Variants in CHPF2 observed in about 807,000 individuals in gnomAD.
The protein encoded by CHPF2 is chondroitin polymerizing factor 2, non-catalytic subunit.
In CHPF2, 58 loss-of-function variants were observed where a neutral mutation model predicts 63.0. The ratio of observed to expected loss-of-function variants is 0.92; its 90% CI spans 0.75 to 1.15. The LOEUF (loss-of-function observed/expected upper bound fraction) is 1.15, where lower values mean the gene tolerates loss of function less well. Ranked by LOEUF, CHPF2 falls within the 50% of genes most tolerant of loss-of-function variation. The pLI is 0.00. For synonymous variants in CHPF2, 442 were observed against 438.0 expected (o/e 1.01, Z -0.11); for missense variants, 1,045 against 1,035.4 (o/e 1.01, Z -0.13).
chr7:151,233,423 G>T lies in CHPF2; in HGVS notation c.-589G>T. The stretch of plus-strand genomic sequence containing the variant: ...AAACACGGGGAGCAGAGTAGAAAGA[G>T]GCTCTGGCCCCTTCCCTTGTGCCCA... On this transcript the variant is annotated 5_prime_UTR_variant, in exon 1 of 4. In the 5' UTR this introduces an upstream ATG that the reference lacks. Transcript: ENST00000035307. 1 of 985,742 alleles carries T rather than the reference G, an allele frequency of 1.0e-6. No individual in the cohort carries two copies. The highest frequency in any genetic ancestry group is 1.2e-6 in the Non-Finnish European group (1 of 830,148). The allele number at this position is 985,742 out of a possible 1,614,324, so 61.1% of individuals were successfully genotyped here. A position where few individuals can be genotyped will look rare whatever the true frequency, so the allele number is the denominator to read the frequency against.
intron 3 of CHPF2, chr7:151,236,880 C>G (rs1048792826): frequency 1.0e-5 from 6 of 573,608 alleles, no homozygotes; most frequent in Non-Finnish European, 2.0e-5. Context: ...AGTGTTCAGA[C>G]AGAATAGTTT....
chr7:151,236,996 C>G (rs1358709543), intron 3 of CHPF2: 1 of 532,950 alleles, frequency 1.9e-6, no homozygotes, highest in Non-Finnish European at 3.6e-6. Context: ...GGAGAATTCT[C>G]AAGTTGAACG....
Position 151,233,050 on chromosome 7 carries a change from C to T in CHPF2, c.-962C>T, listed in dbSNP as rs1160517703. 4.4e-5 allele frequency: 55 copies of T among 1,254,532 alleles called. No homozygotes were observed. Among genetic ancestry groups the T allele is most frequent in the Non-Finnish European group, 5.1e-5 (51 of 998,898 alleles). 77.7% of individuals were successfully genotyped at this position (1,254,532 alleles called of 1,614,324 possible). On this transcript the variant is annotated 5_prime_UTR_variant, in exon 1 of 4. Coordinates refer to ENST00000035307, the MANE Select transcript of CHPF2 (RefSeq NM_019015.3). The stretch of plus-strand genomic sequence containing the variant: ...GGCAGGGGTCCTGTCGGAAGCTGGC[C>T]GCGCTTCTGTTTGCGTTCCCAGGAC...
chr7:151,237,784 G>C lies in CHPF2; in HGVS notation c.1422G>C (p.Arg474=). ...RRVSLLRPLS[R]VEILPMPYVT... The stretch of plus-strand genomic sequence containing the variant: ...TCAGCCTGCTGCGGCCACTGAGCCG[G>C]GTGGAAATCCTACCTATGCCCTATG... The change falls in exon 4 of 4, where the codon CGG becomes CGC. Residue 474 remains arginine (R), a synonymous_variant. Coordinates refer to ENST00000035307, the MANE Select transcript of CHPF2 (RefSeq NM_019015.3). The C allele has an allele frequency of 6.2e-7, 1 of 1,612,566 alleles. No homozygotes were observed. Among genetic ancestry groups the C allele is most frequent in the Non-Finnish European group, 8.5e-7 (1 of 1,179,938 alleles).
At chr7:151,237,151 C>T in intron 3 of CHPF2, 3 of 624,054 alleles carry the variant, frequency 4.8e-6, no homozygotes, top group Non-Finnish European at 8.6e-6. Context: ...TTTCCACCTC[C>T]TTCTCATGGC....
chr7:151,237,101 CTTCTAT>C, intron 3 of CHPF2: 1 of 629,608 alleles, frequency 1.6e-6, no homozygotes, highest in Non-Finnish European at 2.9e-6. Context: ...GGCTGTTGAG[CTTCTAT>C]TTCAAGATAC....
chr7:151,233,667 T>C lies in CHPF2; in HGVS notation c.-345T>C. On this transcript the variant is annotated 5_prime_UTR_variant, in exon 1 of 4. Transcript: ENST00000035307. Reference sequence around the variant, plus strand: ...TGCAGATGTGTGTAGTGTTCCTTTTTGGGTTAGCTTTGGCAGTATTGAGTT... The same window carrying C: ...TGCAGATGTGTGTAGTGTTCCTTTTCGGGTTAGCTTTGGCAGTATTGAGTT... 17 of 1,038,852 alleles carry C rather than the reference T, an allele frequency of 1.6e-5. No homozygotes were observed. The highest frequency in any genetic ancestry group is 2.0e-5 in the Non-Finnish European group (17 of 865,624). The allele number at this position is 1,038,852 out of a possible 1,614,324, so 64.4% of individuals were successfully genotyped here.
Position 151,233,570 on chromosome 7 carries a change from T to C in CHPF2, c.-442T>C. 1 of 987,088 alleles carries C rather than the reference T, an allele frequency of 1.0e-6. No individual in the cohort carries two copies. The highest frequency in any genetic ancestry group is 1.2e-6 in the Non-Finnish European group (1 of 831,092). 61.1% of individuals were successfully genotyped at this position (987,088 alleles called of 1,614,324 possible). A position where few individuals can be genotyped will look rare whatever the true frequency, so the allele number is the denominator to read the frequency against. ...GCTCCGGCTCCTCTGGTTGGGGCTG[T>C]TGTTTTGATGGATCGTGTGCTTTTC... On this transcript the variant is annotated 5_prime_UTR_variant, in exon 1 of 4. Transcript: ENST00000035307.
rs765189215 is a variant in CHPF2, at chr7:151,238,777, G to A, written c.*96G>A. ...GGTGGACAGATAGAGAATTGTTGCT[G>A]TATTTTTTAAATATGAAAATGTTAT... On this transcript the variant is annotated 3_prime_UTR_variant, in exon 4 of 4. Transcript: ENST00000035307. The A allele has an allele frequency of 1.8e-5, 28 of 1,573,274 alleles. No individual in the cohort carries two copies. In the African/African-American group the frequency reaches 2.8e-4, roughly 16 times the overall value.
rs148907711 is a variant in CHPF2 at position 151,238,061 on chromosome 7, C to G, written c.1699C>G (p.Arg567Gly). ...PGTRLAWLAV[R>G]AEAPSQVRLM... Reference sequence around the variant, plus strand: ...GACGAGGCTGGCCTGGCTCGCTGTGCGAGCAGAGGCCCCTTCCCAGGTGCG... The same window carrying G: ...GACGAGGCTGGCCTGGCTCGCTGTGGGAGCAGAGGCCCCTTCCCAGGTGCG... Residue 567 changes from arginine to glycine, a missense_variant, in exon 4 of 4, where the codon CGA (arginine) becomes GGA (glycine). Arg to Gly is a moderately radical substitution (Grantham distance 125). Transcript: ENST00000035307. The G allele has an allele frequency of 1.2e-6, 2 of 1,612,272 alleles. No individual in the cohort carries two copies. Among genetic ancestry groups the G allele is most frequent in the South Asian group, 1.1e-5 (1 of 91,090 alleles).
Position 151,237,674 on chromosome 7 carries a change from C to G in CHPF2, c.1312C>G (p.Pro438Ala), listed in dbSNP as rs1431817472. ...GCTCAACGGCTATCGGCGCTTCGACCCAGCACGGGGCATGGAGTACACCCT... is the reference window on the plus strand; with the variant it reads ...GCTCAACGGCTATCGGCGCTTCGACGCAGCACGGGGCATGGAGTACACCCT... ...RLLNGYRRFD[P>A]ARGMEYTLDL... The change falls in exon 4 of 4, where the codon CCA becomes GCA. Residue 438 changes from proline to alanine, a missense_variant. Transcript: ENST00000035307. 1.2e-6 allele frequency: 2 copies of G among 1,613,176 alleles called. No homozygotes were observed. Among genetic ancestry groups the G allele is most frequent in the Non-Finnish European group, 1.7e-6 (2 of 1,179,932 alleles).
chr7:151,237,239 T>C lies in CHPF2; in HGVS notation c.1012-135T>C, dbSNP rs1563632796. On this transcript the variant is annotated intron_variant, in intron 3 of 3. Transcript: ENST00000035307. ...AATAACGTACAAGGGATTCAGTGAT[T>C]AGCAAGGGACCCCTCACTAAGTGTT... is the stretch of plus-strand genomic sequence containing the variant. 4.7e-6 allele frequency: 3 copies of C among 641,282 alleles called. No homozygotes were observed. The East Asian group carries it at 8.2e-5, about 17-fold the overall frequency. 39.7% of individuals were successfully genotyped at this position (641,282 alleles called of 1,614,324 possible).
Position 151,235,266 on chromosome 7 carries a change from CAG to C in CHPF2, c.486_487del (p.Glu162AspfsTer22). ...GATGAGCGGCCCGCCTGGCTCATGT[CAG>C]AGACCCTGCGCCACCTTCACACACA... On this transcript the variant is annotated frameshift_variant, in exon 2 of 4. Coordinates refer to ENST00000035307, the MANE Select transcript of CHPF2 (RefSeq NM_019015.3). LOFTEE classifies it high-confidence loss of function. 6.2e-7 allele frequency: 1 copy of C among 1,613,662 alleles called. No individual in the cohort carries two copies.
intron 3 of CHPF2, chr7:151,236,826 A>G: frequency 1.7e-6 from 1 of 604,462 alleles, no homozygotes. Flanking sequence ...GAATGCAGCT[A>G]AAGGGGTTTG....
chr7:151,236,315 G>A lies in CHPF2; in HGVS notation c.829-93G>A, dbSNP rs548608020. 92 of 1,147,816 alleles carry A rather than the reference G, an allele frequency of 8.0e-5. No homozygotes were observed. The African/African-American group carries it at 1.2e-3, about 15-fold the overall frequency. The allele number at this position is 1,147,816 out of a possible 1,614,324, so 71.1% of individuals were successfully genotyped here. A position where few individuals can be genotyped will look rare whatever the true frequency, so the allele number is the denominator to read the frequency against. ...TTCTGTCCTCTGTTCTAACGCAGCA[G>A]TGCTAACAGATGTGAACACTGAGTA... On this transcript the variant is annotated intron_variant, in intron 2 of 3. Coordinates refer to ENST00000035307, the MANE Select transcript of CHPF2 (RefSeq NM_019015.3).
At position 151,234,151 on chromosome 7, in the gene CHPF2, G is replaced by A; in HGVS notation, c.140G>A (p.Gly47Glu). 6.2e-7 allele frequency: 1 copy of A among 1,613,692 alleles called. No homozygotes were observed. Among genetic ancestry groups the A allele is most frequent in the Non-Finnish European group, 8.5e-7 (1 of 1,179,826 alleles). ...EGEDPCVEAV[G>E]ERGGPQNPDS... ...GAAGATCCCTGTGTCGAGGCTGTAG[G>A]GGAGCGAGGAGGGCCACAGAATCCA... Residue 47 changes from glycine to glutamate, a missense_variant, in exon 1 of 4, where the codon GGG becomes GAG. Physicochemically the swap from Gly to Glu is moderately conservative, Grantham distance 98. Coordinates refer to ENST00000035307, the MANE Select transcript of CHPF2 (RefSeq NM_019015.3).
At position 151,237,450 on chromosome 7, in the gene CHPF2, C is replaced by T; in HGVS notation, c.1088C>T (p.Pro363Leu). The change falls in exon 4 of 4, where the codon CCT becomes CTT. Residue 363 changes from proline (P) to leucine (L), a missense_variant. Physicochemically the swap from Pro to Leu is moderately conservative, Grantham distance 98. Coordinates refer to ENST00000035307, the MANE Select transcript of CHPF2 (RefSeq NM_019015.3). ...AGCTGGCCCGTTGGGCTCCCTGCTC[C>T]TTTCACACCACACTCTCGCTTTGAG... is the stretch of plus-strand genomic sequence containing the variant. ...GLSWPVGLPA[P>L]FTPHSRFEVL... 1 of 1,613,762 alleles carries T rather than the reference C, an allele frequency of 6.2e-7. No individual in the cohort carries two copies. Among genetic ancestry groups the T allele is most frequent in the South Asian group, 1.1e-5 (1 of 91,086 alleles).
rs777086436 is a variant in CHPF2 at position 151,235,218 on chromosome 7, G to T, written c.434G>T (p.Gly145Val). 1 of 1,613,066 alleles carries T rather than the reference G, an allele frequency of 6.2e-7. No homozygotes were observed. The highest frequency in any genetic ancestry group is 2.2e-5 in the East Asian group (1 of 44,862). Residue 145 changes from glycine (G) to valine (V), a missense_variant, in exon 2 of 4, where the codon GGG becomes GTG. Physicochemically the swap from Gly to Val is moderately radical, Grantham distance 109. Transcript: ENST00000035307. ...TGQRGARAPA[G>V]MQVVSHGDER... is the part of the protein sequence containing the mutation. ...CAGCGGGGGGCCCGGGCTCCAGCAG[G>T]GATGCAGGTGGTGTCTCATGGGGAT...
chr7:151,233,136 GCCCCTGGGGC>G lies in CHPF2; in HGVS notation c.-873_-864del, dbSNP rs1563627023. The G allele has an allele frequency of 9.0e-7, 1 of 1,105,336 alleles. No individual in the cohort carries two copies. Among genetic ancestry groups the G allele is most frequent in the Non-Finnish European group, 1.1e-6 (1 of 907,144 alleles). 68.5% of individuals were successfully genotyped at this position (1,105,336 alleles called of 1,614,324 possible). On this transcript the variant is annotated 5_prime_UTR_variant, in exon 1 of 4. Coordinates refer to ENST00000035307, the MANE Select transcript of CHPF2 (RefSeq NM_019015.3). ...CTTTGCTTTTGGTTTGCTTCATTTG[GCCCCTGGGGC>G]CCTGGTAAAACCAGGCACCGAATCG... is the stretch of plus-strand genomic sequence containing the variant.
Sources: gnomAD v4.1 joint callset for allele counts on GRCh38, gnomAD v4.1.1 for gene constraint, MANE v1.5 for transcripts, NCBI Gene and HGNC (gene_info 2026-07-23, HGNC 2026-07-21) for gene names.